FAM227B: variants seen among roughly 807,000 people sequenced by gnomAD.
FAM227B encodes protein FAM227B.
FAM227B carries 88 observed loss-of-function variants against 73.8 expected under a neutral mutation model. The ratio of observed to expected loss-of-function variants is 1.19; its 90% confidence interval spans 1.00 to 1.42. The LOEUF (loss-of-function observed/expected upper bound fraction) is 1.42. FAM227B is among the 40% of genes most tolerant of loss of function. FAM227B has a pLI of 0.00. For synonymous variants in FAM227B, 210 were observed against 190.5 expected, an observed-to-expected ratio of 1.10 and a Z score of -0.84; for missense variants, 632 against 590.9, an observed-to-expected ratio of 1.07 and a Z score of -0.72.
chr15:49,470,606 T>C (rs1423268615), intron 11 of FAM227B, among the ~76,000 whole-genome samples: 1 of 152,224 alleles, frequency 6.6e-6, no homozygotes, highest in Non-Finnish European at 1.5e-5. Flanking sequence ...TGAAATGATA[T>C]TTGACTTCTC....
chr15:49,599,240 T>C (rs570546757), intron 3 of FAM227B, among the ~76,000 whole-genome samples: 1 of 152,086 alleles, frequency 6.6e-6, no homozygotes. Flanking sequence ...TAATTTCTCA[T>C]GGTAGCCTAC....
At chr15:49,353,482 G>C (rs2042554700) in intron 13 of FAM227B, 1 of 151,874 alleles carries the variant, frequency 6.6e-6, no homozygotes, top group Non-Finnish European at 1.5e-5. Context: ...TGTATGTTTT[G>C]AACAAAAATA....
chr15:49,591,029 G>GTTTTTTTTTTTTTTTGTT (rs71424023), intron 3 of FAM227B, among the ~76,000 whole-genome samples: 1 of 105,608 alleles, frequency 9.5e-6, no homozygotes, highest in African/African-American at 3.5e-5. Context: ...TCTTTTTTTT[G>GTTTTTTTTTTTTTTTGTT]TTTTTTTTTT....
chr15:49,508,229 G>T lies in FAM227B; in HGVS notation c.994C>A (p.Gln332Lys). Residue 332 changes from glutamine (Q) to lysine (K), a missense_variant, in exon 11 of 16, where the codon CAA becomes AAA. Coordinates refer to ENST00000299338, the MANE Select transcript of FAM227B (RefSeq NM_152647.3). ...TACTTACTAGTTGATATATGTTCTT[G>T]ACTGTCTGCAATTCTTTCCTTTACT... is the stretch of plus-strand genomic sequence containing the variant. ...KSVKERIADSQEHISTSIDFN... is the reference protein window; with the variant it reads ...KSVKERIADSKEHISTSIDFN... 6.2e-7 allele frequency: 1 copy of T among 1,610,200 alleles called. No individual in the cohort carries two copies. Among genetic ancestry groups the T allele is most frequent in the South Asian group, 1.1e-5 (1 of 90,564 alleles).
intron 11 of FAM227B, among the ~76,000 whole-genome samples, chr15:49,387,192 AAAGAAAACT>A (rs1336666873): frequency 6.6e-6 from 1 of 151,804 alleles, no homozygotes; most frequent in Non-Finnish European, 1.5e-5. Context: ...CACAACAAAA[AAAGAAAACT>A]ACCGATCAAT....
intron 11 of FAM227B, among the ~76,000 whole-genome samples, chr15:49,395,567 G>A (rs1476469975): frequency 6.6e-6 from 1 of 152,174 alleles, no homozygotes; most frequent in Non-Finnish European, 1.5e-5. Flanking sequence ...TGAACCATCA[G>A]AACTTTGGAC....
intron 11 of FAM227B, among the ~76,000 whole-genome samples, chr15:49,479,772 C>A (rs2055752149): frequency 6.6e-6 from 1 of 151,898 alleles, no homozygotes; most frequent in Non-Finnish European, 1.5e-5. Flanking sequence ...CACCATCATG[C>A]CTGGCTAATT....
chr15:49,384,112 G>A (rs1327772727), intron 11 of FAM227B, among the ~76,000 whole-genome samples: 1 of 152,034 alleles, frequency 6.6e-6, no homozygotes, highest in Non-Finnish European at 1.5e-5. Context: ...ATCCTGCAAG[G>A]TAGGACTTCT....
chr15:49,397,047 C>A (rs965441178), intron 11 of FAM227B, among the ~76,000 whole-genome samples: 1 of 152,104 alleles, frequency 6.6e-6, no homozygotes, highest in Non-Finnish European at 1.5e-5. Flanking sequence ...TCAAATTACT[C>A]TGAGCTACGG....
intron 11 of FAM227B, among the ~76,000 whole-genome samples, chr15:49,383,396 T>C (rs2046667527): frequency 6.6e-6 from 1 of 152,120 alleles, no homozygotes; most frequent in African/African-American, 2.4e-5. Context: ...AAACTATTTT[T>C]AAATTAAGGT....
chr15:49,568,112 A>T (rs1430083691), intron 9 of FAM227B, 133 bp downstream of exon 9: 1 of 696,718 alleles, frequency 1.4e-6, no homozygotes, highest in Non-Finnish European at 2.4e-6. Flanking sequence ...TCAAAATATT[A>T]CTAATACTCT....
intron 11 of FAM227B, among the ~76,000 whole-genome samples, chr15:49,450,706 T>C (rs2052644781): frequency 1.3e-5 from 2 of 152,262 alleles, no homozygotes; most frequent in South Asian, 4.1e-4. Flanking sequence ...TCACAGGTTT[T>C]CAATTACATT....
chr15:49,536,072 C>CAAAAAAAAA (rs59203003), intron 10 of FAM227B, among the ~76,000 whole-genome samples: 170 of 113,820 alleles, frequency 1.5e-3, no homozygotes, highest in East Asian at 2.4e-3. Context: ...GGCAATCAGA[C>CAAAAAAAAA]AAAAAAAAAA....
chr15:49,599,972 CTCCATATGATCTA>C (rs376148200), intron 3 of FAM227B, among the ~76,000 whole-genome samples: 1,747 of 152,230 alleles, frequency 0.011, 15 homozygotes, highest in Middle Eastern at 0.037. Flanking sequence ...TTAATTTTCT[CTCCATATGATCTA>C]TCCATTTTTG....
At chr15:49,446,983 G>A (rs888555864) in intron 11 of FAM227B, among the ~76,000 whole-genome samples, 1 of 151,462 alleles carries the variant, frequency 6.6e-6, no homozygotes, top group African/African-American at 2.4e-5. Flanking sequence ...TAGAGATTTT[G>A]ACAGGTATAA....
At chr15:49,404,520 T>C (rs1337946127) in intron 11 of FAM227B, among the ~76,000 whole-genome samples, 2 of 152,174 alleles carry the variant, frequency 1.3e-5, no homozygotes, top group African/African-American at 4.8e-5. Flanking sequence ...TGTAACACCC[T>C]TCCTTGTCTT....
intron 5 of FAM227B, among the ~76,000 whole-genome samples, chr15:49,581,010 C>T (rs1416046185): frequency 6.6e-6 from 1 of 152,126 alleles, no homozygotes; most frequent in African/African-American, 2.4e-5. Context: ...CACTAGAGTT[C>T]CTGAAAATGG....
At chr15:49,360,240 GAAA>G (rs34095368) in intron 13 of FAM227B, among the ~76,000 whole-genome samples, 4 of 147,406 alleles carry the variant, frequency 2.7e-5, no homozygotes, top group South Asian at 2.2e-4. Flanking sequence ...ATAGTATAAG[GAAA>G]AAAAAAAAAA....
At chr15:49,605,685 G>A (rs974720246) in intron 3 of FAM227B, among the ~76,000 whole-genome samples, 2 of 151,948 alleles carry the variant, frequency 1.3e-5, no homozygotes, top group African/African-American at 4.8e-5. Context: ...GTACACTGGA[G>A]TGGACCTGAA....
Sources: gnomAD v4.1 joint callset for allele counts (sites outside exome capture counted in the v4.1 genomes callset) on GRCh38, gnomAD v4.1.1 for gene constraint, MANE v1.5 for transcripts, NCBI Gene and HGNC (gene_info 2026-07-23, HGNC 2026-07-21) for gene names.